Variants in CYB5D2 observed in about 807,000 individuals in gnomAD.
CYB5D2 encodes the protein cytochrome b5 domain containing 2.
A neutral mutation model predicts 22.8 loss-of-function variants in CYB5D2; 23 were observed. The observed-to-expected ratio is 1.01, with a 90% confidence interval of 0.73 to 1.43. The LOEUF is 1.43. Ranked by LOEUF, CYB5D2 falls within the 40% of genes most tolerant of loss-of-function variation. The pLI, the probability that CYB5D2 is intolerant of heterozygous loss-of-function variation, is 0.00. For missense variants in CYB5D2, 373 were observed against 357.2 expected (o/e 1.04, Z -0.36); for synonymous variants, 170 against 152.2 (o/e 1.12, Z -0.86).
intron 1 of CYB5D2, among the ~76,000 whole-genome samples, chr17:4,147,195 G>A (rs1020120165): frequency 6.6e-5 from 10 of 152,124 alleles, no homozygotes; most frequent in Non-Finnish European, 1.2e-4. Context: ...CCCTTGAACC[G>A]AGGAGGCAGA....
rs1323417509 is a variant in CYB5D2, at chr17:4,157,007, G to A, written c.720G>A (p.Gly240=). 1 of 1,612,766 alleles carries A rather than the reference G, an allele frequency of 6.2e-7. No homozygotes were observed. The highest frequency in any genetic ancestry group is 8.5e-7 in the Non-Finnish European group (1 of 1,180,026). The change falls in exon 4 of 4, where the codon GGG becomes GGA. Residue 240 remains glycine (G), a synonymous_variant. Transcript: ENST00000301391. This position sits in a 1 kb window ranked among gnomAD's most constrained non-coding sequence, Gnocchi z 4.4. ...ACAACCCTCCACACAGAAATCGTGG[G>A]GACCTGGACCACCCAAACTTGGCAG... ...MPDNPPHRNR[G]DLDHPNLAEY... is the part of the protein sequence containing the mutation.
Position 4,157,187 on chromosome 17 carries a change from G to T in CYB5D2, c.*105G>T, listed in dbSNP as rs554562942. The T allele has an allele frequency of 3.5e-5, 45 of 1,279,230 alleles. No individual in the cohort carries two copies. In the African/African-American group the frequency reaches 6.1e-4, roughly 17 times the overall value. 79.2% of individuals were successfully genotyped at this position (1,279,230 alleles called of 1,614,324 possible). A position where few individuals can be genotyped will look rare whatever the true frequency, so the allele number is the denominator to read the frequency against. On this transcript the variant is annotated 3_prime_UTR_variant, in exon 4 of 4. Coordinates refer to ENST00000301391, the MANE Select transcript of CYB5D2 (RefSeq NM_144611.4). This position sits in a 1 kb window ranked among gnomAD's most constrained non-coding sequence, Gnocchi z 4.4. Reference sequence around the variant, plus strand: ...GATGCCTCCTGGCGCGAATCAGGAGGGTCTGGAAGGACTCTGGCTATATTC... The same window carrying T: ...GATGCCTCCTGGCGCGAATCAGGAGTGTCTGGAAGGACTCTGGCTATATTC...
Position 4,156,847 on chromosome 17 carries a change from T to G in CYB5D2, c.579-19T>G. The G allele has an allele frequency of 6.2e-7, 1 of 1,612,090 alleles. No individual in the cohort carries two copies. The highest frequency in any genetic ancestry group is 2.2e-5 in the East Asian group (1 of 44,870). On this transcript the variant is annotated intron_variant, in intron 3 of 3. Transcript: ENST00000301391. ...ATGAGTTCTCACATTTAAGAAGTCC[T>G]CTTTCCGTCTATCCTTAGTGGAGGT...
rs76831250 is a variant in CYB5D2, at chr17:4,153,902, C to T, written c.392-772C>T. On this transcript the variant is annotated intron_variant, in intron 2 of 3. Coordinates refer to ENST00000301391, the MANE Select transcript of CYB5D2 (RefSeq NM_144611.4). The stretch of plus-strand genomic sequence containing the variant: ...GAATCTCAGATGCGCTGAACATACG[C>T]GCCACTAGAATCGAAGGTAAAGCTA... Among the ~76,000 whole-genome samples the T allele has an allele frequency of 5.3e-3, 805 of 152,310 alleles. 11 individuals carry two copies. Among genetic ancestry groups the T allele is most frequent in the African/African-American group, 0.019 (771 of 41,570 alleles).
rs2059125278 is a variant in CYB5D2, at chr17:4,157,600, A to T, written c.*518A>T. ...AAAATCAGGTGTGGTGTGTTTTCAA[A>T]GGCAGAAGTCTGCATTTTGAGCAAA... On this transcript the variant is annotated 3_prime_UTR_variant, in exon 4 of 4. Coordinates refer to ENST00000301391, the MANE Select transcript of CYB5D2 (RefSeq NM_144611.4). The surrounding 1 kb of genome is among the most constrained non-coding windows in gnomAD (Gnocchi z 4.4). The T allele has an allele frequency of 6.4e-6, 1 of 157,006 alleles. No individual in the cohort carries two copies. Among genetic ancestry groups the T allele is most frequent in the Admixed American group, 6.3e-5 (1 of 15,886 alleles). The allele number at this position is 157,006 out of a possible 1,614,324, so 9.7% of individuals were successfully genotyped here.
At chr17:4,147,177 A>C (rs954369272) in intron 1 of CYB5D2, among the ~76,000 whole-genome samples, 1 of 152,224 alleles carries the variant, frequency 6.6e-6, no homozygotes, top group Non-Finnish European at 1.5e-5. Context: ...AGTTGGAGAC[A>C]GAAGAATCCC....
intron 1 of CYB5D2, among the ~76,000 whole-genome samples, chr17:4,148,071 T>A (rs756507487): frequency 1.9e-4 from 29 of 152,164 alleles, no homozygotes; most frequent in Non-Finnish European, 3.8e-4. Flanking sequence ...CAGGGAGGGC[T>A]TCCTTGAGGT....
At position 4,148,061 on chromosome 17, in the gene CYB5D2, C is replaced by T. The variant is rs547556906; in HGVS notation, c.251-1830C>T. On this transcript the variant is annotated intron_variant, in intron 1 of 3. Coordinates refer to ENST00000301391, the MANE Select transcript of CYB5D2 (RefSeq NM_144611.4). ...CAGATTGGTGGGGCAAGAATGAATG[C>T]AGGGAGGGCTTCCTTGAGGTTTGCT... Among the ~76,000 whole-genome samples the T allele has an allele frequency of 1.4e-4, 21 of 152,192 alleles. No homozygotes were observed. The East Asian group carries it at 3.1e-3, about 22-fold the overall frequency.
At chr17:4,155,434 A>C (rs1353620825) in intron 3 of CYB5D2, among the ~76,000 whole-genome samples, 1 of 152,206 alleles carries the variant, frequency 6.6e-6, no homozygotes, top group African/African-American at 2.4e-5. Context: ...CCTGGGCAAC[A>C]TAACAAAAAA....
intron 1 of CYB5D2, among the ~76,000 whole-genome samples, chr17:4,144,386 T>C (rs1161334974): frequency 6.6e-6 from 1 of 152,086 alleles, no homozygotes; most frequent in African/African-American, 2.4e-5. Context: ...CCTTAATAAT[T>C]CCAACCATCT....
chr17:4,150,601 T>C (rs1485855772), intron 2 of CYB5D2, among the ~76,000 whole-genome samples: 1 of 152,168 alleles, frequency 6.6e-6, no homozygotes, highest in Non-Finnish European at 1.5e-5. Context: ...CTCTAAACAC[T>C]AGGCCCGGCG....
chr17:4,144,014 G>A lies in CYB5D2; in HGVS notation c.250+9G>A. 6.3e-7 allele frequency: 1 copy of A among 1,584,686 alleles called. No individual in the cohort carries two copies. Among genetic ancestry groups the A allele is most frequent in the African/African-American group, 1.3e-5 (1 of 74,182 alleles). On this transcript the variant is annotated intron_variant, in intron 1 of 3. Coordinates refer to ENST00000301391, the MANE Select transcript of CYB5D2 (RefSeq NM_144611.4). ...CTATAGCGGCTTCGCAGGTATCAGC[G>A]AGGCTGCTCACGCCTTTCTCTCCGC...
intron 2 of CYB5D2, among the ~76,000 whole-genome samples, 157 bp downstream of exon 2, chr17:4,150,188 C>A (rs1271890329): frequency 6.6e-6 from 1 of 152,166 alleles, no homozygotes; most frequent in African/African-American, 2.4e-5. Context: ...ATGAGCCGCC[C>A]AGAAGGAGAT....
chr17:4,146,962 A>C (rs1302577775), intron 1 of CYB5D2, among the ~76,000 whole-genome samples: 1 of 152,164 alleles, frequency 6.6e-6, no homozygotes. Flanking sequence ...GTAGCAGTGC[A>C]TTATTCCTTT....
rs1321178272 is a variant in CYB5D2, at chr17:4,149,939, G to T, written c.299G>T (p.Gly100Val). ...GTGACCGGGGACTGTTCTGAAGCAG[G>T]CCTCGTGGATGACGTATCCGACCTG... is the stretch of plus-strand genomic sequence containing the variant. ...AFVTGDCSEA[G>V]LVDDVSDLSA... The change falls in exon 2 of 4, where the codon GGC (glycine) becomes GTC (valine). Residue 100 changes from glycine to valine, a missense_variant. Gly to Val is a moderately radical substitution (Grantham distance 109, BLOSUM62 -3). Coordinates refer to ENST00000301391, the MANE Select transcript of CYB5D2 (RefSeq NM_144611.4). The T allele has an allele frequency of 6.2e-7, 1 of 1,614,182 alleles. No homozygotes were observed. The highest frequency in any genetic ancestry group is 2.2e-5 in the East Asian group (1 of 44,880).
intron 1 of CYB5D2, among the ~76,000 whole-genome samples, chr17:4,144,997 A>G (rs909705177): frequency 1.3e-5 from 2 of 152,102 alleles, no homozygotes; most frequent in African/African-American, 4.8e-5. Flanking sequence ...CATGTTAGCC[A>G]GGATGGTCTC....
In CYB5D2 at chr17:4,143,569, C is replaced by G; in HGVS notation, c.-187C>G. 1.4e-6 allele frequency: 1 copy of G among 732,346 alleles called. No individual in the cohort carries two copies. 45.4% of individuals were successfully genotyped at this position (732,346 alleles called of 1,614,324 possible). A position where few individuals can be genotyped will look rare whatever the true frequency, so the allele number is the denominator to read the frequency against. ...AGTACCTGGAAAAAGTCGCAGACAGCGAGCTTTTCGCCAGTGCCAGGAATA... is the reference window on the plus strand; with the variant it reads ...AGTACCTGGAAAAAGTCGCAGACAGGGAGCTTTTCGCCAGTGCCAGGAATA... On this transcript the variant is annotated 5_prime_UTR_variant, in exon 1 of 4. Coordinates refer to ENST00000301391, the MANE Select transcript of CYB5D2 (RefSeq NM_144611.4).
At chr17:4,151,172 A>C (rs1163021936) in intron 2 of CYB5D2, 1 of 152,062 alleles carries the variant, frequency 6.6e-6, no homozygotes, top group Non-Finnish European at 1.5e-5. Context: ...CATAATATCT[A>C]AAGTTTGTGT....
intron 1 of CYB5D2, among the ~76,000 whole-genome samples, chr17:4,148,217 G>C (rs935579040): frequency 2.7e-5 from 4 of 150,586 alleles, no homozygotes; most frequent in Admixed American, 1.3e-4. Context: ...AGGGATGAAG[G>C]AAGTGTTAGG....
Sources: gnomAD v4.1 joint callset for allele counts (sites outside exome capture counted in the v4.1 genomes callset) on GRCh38, gnomAD v4.1.1 for gene constraint, Gnocchi (gnomAD v3.1) non-coding constraint, MANE v1.5 for transcripts, NCBI Gene and HGNC (gene_info 2026-07-23, HGNC 2026-07-21) for gene names.